The following PKD1 variants were observed in gnomAD, a reference collection of about 807,000 sequenced individuals.
The protein encoded by PKD1 is polycystin 1, transient receptor potential channel interacting.
In PKD1, 81 loss-of-function variants were observed where a neutral mutation model predicts 361.7. That is an observed-to-expected ratio of 0.22 (90% CI 0.19 to 0.27). The LOEUF (loss-of-function observed/expected upper bound fraction) is 0.27, where lower values mean the gene tolerates loss of function less well. PKD1 is among the 10% of genes least tolerant of loss of function. PKD1 has a pLI of 1.00. For missense variants in PKD1, 6,399 were observed against 6,118.3 expected, an observed-to-expected ratio of 1.05 and a Z score of -1.53; for synonymous variants, 3,615 against 2,818.3, an observed-to-expected ratio of 1.28 and a Z score of -8.95.
rs977825194 is a variant in PKD1 at position 2,135,859 on chromosome 16, G to A, written c.-170C>T. 43 of 247,746 alleles carry A rather than the reference G, an allele frequency of 1.7e-4. No homozygotes were observed. Among genetic ancestry groups the A allele is most frequent in the South Asian group, 1.3e-3 (9 of 6,768 alleles). 15.3% of individuals were successfully genotyped at this position (247,746 alleles called of 1,614,324 possible). A position where few individuals can be genotyped will look rare whatever the true frequency, so the allele number is the denominator to read the frequency against. Reference sequence around the variant, plus strand: ...TCGGGGCTCGGGGCCAGGCCGCTCCGGGAGCTCGGCCGCCCGCTCGGACGC... The same window carrying A: ...TCGGGGCTCGGGGCCAGGCCGCTCCAGGAGCTCGGCCGCCCGCTCGGACGC... On this transcript the variant is annotated 5_prime_UTR_variant, in exon 1 of 46. Coordinates refer to ENST00000262304, the MANE Select transcript of PKD1 (RefSeq NM_001009944.3).
At chr16:2,123,372 G>A (rs1338958911) in intron 1 of PKD1, 2 of 414,868 alleles carry the variant, frequency 4.8e-6, no homozygotes, top group South Asian at 1.7e-5. Flanking sequence ...GGACTCAGGT[G>A]CCCCCTGGGT....
chr16:2,091,633 C>CA (rs2091584965), intron 41 of PKD1, 36 bp from the exon 42 acceptor site: 1 of 1,559,892 alleles, frequency 6.4e-7, no homozygotes, highest in Non-Finnish European at 8.6e-7. Flanking sequence ...GAGCGGGTGG[C>CA]AGGGCGGGAG....
rs751502749 is a variant in PKD1, at chr16:2,109,542, G to C, written c.5625C>G (p.Val1875=). Residue 1875 remains valine (V), a synonymous_variant, in exon 15 of 46, where the codon GTC becomes GTG. Transcript: ENST00000262304. ...CCGCCGTGAGGTTGTACGTGGCTGAGACCCAGCTGACTGCGTTGGAGGCAT... is the reference window on the plus strand; with the variant it reads ...CCGCCGTGAGGTTGTACGTGGCTGACACCCAGCTGACTGCGTTGGAGGCAT... ...RLNASNAVSW[V]SATYNLTAEE... 8 of 1,611,396 alleles carry C rather than the reference G, an allele frequency of 5.0e-6. No individual in the cohort carries two copies. Among genetic ancestry groups the C allele is most frequent in the Non-Finnish European group, 5.9e-6 (7 of 1,179,496 alleles).
chr16:2,122,692 T>C (rs948105506), intron 1 of PKD1, among the ~76,000 whole-genome samples: 3 of 152,148 alleles, frequency 2.0e-5, no homozygotes, highest in South Asian at 2.1e-4. Flanking sequence ...CAGTTAGACC[T>C]GAGGAGGGAC....
Position 2,102,872 on chromosome 16 carries a change from G to T in PKD1, c.8890C>A (p.Arg2964Ser). The change falls in exon 24 of 46, where the codon CGC (arginine) becomes AGC (serine). Residue 2964 changes from arginine to serine, a missense_variant. Arg to Ser is a moderately radical substitution (Grantham distance 110). Coordinates refer to ENST00000262304, the MANE Select transcript of PKD1 (RefSeq NM_001009944.3). ...TCAGCACCCTGGAGTGACTCTGGGC[G>T]GATCCTCCTGCTAGCCGAGCAGTTG... is the stretch of plus-strand genomic sequence containing the variant. ...EHNCSASRRI[R>S]PESLQGADHR... 1.2e-6 allele frequency: 2 copies of T among 1,610,190 alleles called. No individual in the cohort carries two copies. The highest frequency in any genetic ancestry group is 1.3e-5 in the African/African-American group (1 of 74,970).
In PKD1 at chr16:2,100,044, C is replaced by T. The variant is rs140791671; in HGVS notation, c.9740G>A (p.Arg3247His). ...ASDAALLRFR[R>H]LLVAELQRGF... ...ACGCTGCAGCTCAGCCACCAGCAGG[C>T]GCCGGAAGCGCAAAAGGGCTGCGTC... The change falls in exon 29 of 46, where the codon CGC becomes CAC. Residue 3247 changes from arginine to histidine, a missense_variant. Arg to His is a conservative substitution (Grantham distance 29). Coordinates refer to ENST00000262304, the MANE Select transcript of PKD1 (RefSeq NM_001009944.3). The surrounding 1 kb of genome is among the most constrained non-coding windows in gnomAD (Gnocchi z 4.4). The T allele has an allele frequency of 6.1e-5, 97 of 1,586,762 alleles. No homozygotes were observed. Among genetic ancestry groups the T allele is most frequent in the African/African-American group, 5.0e-4 (37 of 74,418 alleles).
chr16:2,115,501 G>A lies in PKD1; in HGVS notation c.1974C>T (p.Ala658=), dbSNP rs761304981. 1 of 1,600,474 alleles carries A rather than the reference G, an allele frequency of 6.2e-7. No individual in the cohort carries two copies. Among genetic ancestry groups the A allele is most frequent in the South Asian group, 1.1e-5 (1 of 89,508 alleles). Residue 658 remains alanine, a synonymous_variant, in exon 10 of 46, where the codon GCC becomes GCT. Transcript: ENST00000262304. ...TGGCGCAGGCCTGGGGGTGGCAGGA[G>A]GCGTCCAGCGGCAAGCAGATGTTGG... ...PGANICLPLD[A]SCHPQACANG...
chr16:2,109,754 G>T lies in PKD1; in HGVS notation c.5413C>A (p.Leu1805Ile), dbSNP rs2092452058. ...EVDVQVPVSGLSIRASEPGGS... is the reference protein window; with the variant it reads ...EVDVQVPVSGISIRASEPGGS... ...CCGGGCTCGCTGGCCCTGATGCTGA[G>T]GCCACTCACAGGCACCTGCACATCC... The change falls in exon 15 of 46, where the codon CTC (leucine) becomes ATC (isoleucine). Residue 1805 changes from leucine (L) to isoleucine (I), a missense_variant. Physicochemically the swap from Leu to Ile is conservative, Grantham distance 5 (BLOSUM62 2). Transcript: ENST00000262304. The T allele has an allele frequency of 6.2e-7, 1 of 1,609,556 alleles. No homozygotes were observed.
At position 2,100,250 on chromosome 16, in the gene PKD1, T is replaced by C. The variant is rs1219302741; in HGVS notation, c.9628A>G (p.Ser3210Gly). 3 of 1,610,498 alleles carry C rather than the reference T, an allele frequency of 1.9e-6. No individual in the cohort carries two copies. The highest frequency in any genetic ancestry group is 1.3e-5 in the African/African-American group (1 of 74,846). ...CAGTCATTGACCAGGAAGAAGGCGC[T>C]GCGTGCCGTCTGCAGGTCCCTGACG... ...VIVRDLQTAR[S>G]AFFLVNDWLS... Residue 3210 changes from serine to glycine, a missense_variant, in exon 28 of 46, where the codon AGC becomes GGC. Transcript: ENST00000262304. This position sits in a 1 kb window ranked among gnomAD's most constrained non-coding sequence, Gnocchi z 4.4.
chr16:2,102,678 G>A lies in PKD1; in HGVS notation c.8949-45C>T, dbSNP rs759551795. The A allele has an allele frequency of 5.6e-6, 9 of 1,610,236 alleles. No individual in the cohort carries two copies. In the African/African-American group the frequency reaches 1.1e-4, roughly 19 times the overall value. ...CGGACGTGAGCCCAGGCTCCGCCAG[G>A]TTGGATGTCGCAGTCTCAGAGCCCA... On this transcript the variant is annotated intron_variant, in intron 24 of 45. Transcript: ENST00000262304.
At chr16:2,115,958 C>A (rs1567213708) in intron 9 of PKD1, 34 bp downstream of exon 9, 3 of 800,300 alleles carry the variant, frequency 3.7e-6, no homozygotes, top group South Asian at 1.5e-5. Flanking sequence ...TCCTGCGGCG[C>A]CCACCACCCA....
Position 2,091,154 on chromosome 16 carries a change from G to A in PKD1, c.11733C>T (p.Ala3911=), listed in dbSNP as rs777664270. The A allele has an allele frequency of 3.6e-5, 53 of 1,473,916 alleles. No individual in the cohort carries two copies. In the Admixed American group the frequency reaches 8.2e-4, roughly 23 times the overall value. The allele number at this position is 1,473,916 out of a possible 1,614,324, so 91.3% of individuals were successfully genotyped here. ...GGGCCTCGGCCACGGCGAAGTGCAC[G>A]GCGAACAGCAGCAGGCACACCTGTG... ...LLTSVCLLLF[A]VHFAVAEART... Residue 3911 remains alanine (A), a synonymous_variant, in exon 43 of 46, where the codon GCC becomes GCT. Transcript: ENST00000262304.
intron 1 of PKD1, chr16:2,134,927 G>C (rs2092932578): frequency 2.1e-5 from 3 of 143,696 alleles, no homozygotes; most frequent in Admixed American, 1.5e-4. Flanking sequence ...CCACCCGCGA[G>C]CCCACCTCCC....
At chr16:2,129,433 G>A (rs896152658) in intron 1 of PKD1, among the ~76,000 whole-genome samples, 8 of 151,828 alleles carry the variant, frequency 5.3e-5, no homozygotes, top group African/African-American at 1.9e-4. Context: ...CGGCTGGACA[G>A]TGGTTTTGAT....
Position 2,099,954 on chromosome 16 carries a change from C to A in PKD1, c.9830G>T (p.Arg3277Leu). The A allele has an allele frequency of 1.3e-6, 2 of 1,563,210 alleles. No individual in the cohort carries two copies. Among genetic ancestry groups the A allele is most frequent in the Non-Finnish European group, 8.7e-7 (1 of 1,155,248 alleles). The change falls in exon 29 of 46, where the codon CGC becomes CTC. Residue 3277 changes from arginine (R) to leucine (L), a missense_variant. Arg to Leu is a moderately radical substitution (Grantham distance 102). Transcript: ENST00000262304. ...WDRPPRSRFT[R>L]IQRATCCVLL... ...AACGCAGCAGGTGGCCCTCTGGATG[C>A]GAGTGAAACGGCTACGAGGCGGCCG...
intron 1 of PKD1, among the ~76,000 whole-genome samples, chr16:2,130,036 C>G (rs1434354779): frequency 1.3e-5 from 2 of 152,322 alleles, no homozygotes; most frequent in Admixed American, 6.5e-5. Flanking sequence ...TCCCTTCCCC[C>G]ACCCCTGCCG....
chr16:2,099,200 G>C, intron 30 of PKD1: 1 of 347,488 alleles, frequency 2.9e-6, no homozygotes, highest in East Asian at 7.7e-5. Context: ...CCTGGACTCA[G>C]ATCCGCCCAC....
intron 37 of PKD1, 136 bp downstream of exon 37, chr16:2,093,408 C>T: frequency 3.4e-6 from 3 of 873,950 alleles, no homozygotes; most frequent in Non-Finnish European, 5.3e-6. Flanking sequence ...GGAGACCGGG[C>T]AAAGGCTGCA....
rs770679215 is a variant in PKD1 at position 2,110,362 on chromosome 16, C to T, written c.4805G>A (p.Arg1602His). The T allele has an allele frequency of 6.8e-6, 11 of 1,612,476 alleles. No individual in the cohort carries two copies. Among genetic ancestry groups the T allele is most frequent in the Admixed American group, 1.7e-5 (1 of 59,990 alleles). ...PGGPTISYTF[R>H]SVGTFNIIVT... ...GATGATATTGAAGGTGCCCACGGAG[C>T]GGAAGGTGTAAGAGATGGTAGGACC... Residue 1602 changes from arginine to histidine, a missense_variant, in exon 15 of 46, where the codon CGC (arginine) becomes CAC (histidine). Arg to His is a conservative substitution (Grantham distance 29, BLOSUM62 0). Transcript: ENST00000262304.
Sources: gnomAD v4.1 joint callset for allele counts (sites outside exome capture counted in the v4.1 genomes callset) on GRCh38, gnomAD v4.1.1 for gene constraint, Gnocchi (gnomAD v3.1) non-coding constraint, MANE v1.5 for transcripts, NCBI Gene and HGNC (gene_info 2026-07-23, HGNC 2026-07-21) for gene names.